TMEM94: variants seen among roughly 807,000 people sequenced by gnomAD.
TMEM94 encodes the protein ER Mg2+ ATPase.
In TMEM94, 81 loss-of-function variants were observed where a neutral mutation model predicts 158.6. The ratio of observed to expected loss-of-function variants is 0.51; its 90% CI spans 0.43 to 0.61. The LOEUF (loss-of-function observed/expected upper bound fraction) is 0.61, where lower values mean the gene tolerates loss of function less well. TMEM94 is among the 20% of genes least tolerant of loss of function. The probability of loss-of-function intolerance (pLI) is 0.00; values close to 1 mark genes in which losing one functional copy is unlikely to be tolerated. For synonymous variants in TMEM94, 751 were observed against 730.7 expected (o/e 1.03, Z -0.45); for missense variants, 1,435 against 1,762.0 (o/e 0.81, Z 3.32).
chr17:75,497,150 G>A lies in TMEM94; in HGVS notation c.3359G>A (p.Ser1120Asn). 5.0e-6 allele frequency: 8 copies of A among 1,614,028 alleles called. No individual in the cohort carries two copies. The highest frequency in any genetic ancestry group is 1.1e-5 in the South Asian group (1 of 91,070). Reference protein sequence around the residue: ...SCLVQLPPLLSTTDILWLSCF... With the variant: ...SCLVQLPPLLNTTDILWLSCF... ...CTGGTCCAGCTGCCGCCACTCCTGAGTACCACCGACATCCTGTGGCTGTCC... is the reference window on the plus strand; with the variant it reads ...CTGGTCCAGCTGCCGCCACTCCTGAATACCACCGACATCCTGTGGCTGTCC... Residue 1120 changes from serine to asparagine, a missense_variant, in exon 26 of 32, where the codon AGT becomes AAT. Transcript: ENST00000314256.
chr17:75,494,380 A>G (rs2052490414), intron 18 of TMEM94, among the ~76,000 whole-genome samples: 1 of 152,144 alleles, frequency 6.6e-6, no homozygotes, highest in Non-Finnish European at 1.5e-5. Context: ...GGGTAGGGCC[A>G]GTACCCCCTG....
chr17:75,462,569 T>C (rs2050114686), intron 1 of TMEM94, among the ~76,000 whole-genome samples: 1 of 151,312 alleles, frequency 6.6e-6, no homozygotes, highest in African/African-American at 2.4e-5. Context: ...AGGCTGGGCA[T>C]GGTGGCTGAC....
Position 75,495,635 on chromosome 17 carries a change from C to T in TMEM94, c.2936C>T (p.Thr979Ile). 3 of 1,613,352 alleles carry T rather than the reference C, an allele frequency of 1.9e-6. No homozygotes were observed. Among genetic ancestry groups the T allele is most frequent in the South Asian group, 1.1e-5 (1 of 91,080 alleles). ...PLLVPLFTDC[T>I]PETMCEMIKI... The stretch of plus-strand genomic sequence containing the variant: ...CTAGTGCCCCTTTTCACCGACTGCA[C>T]CCCAGAGAGTGAGTGCTGTGGCCAT... The change falls in exon 22 of 32, where the codon ACC becomes ATC. Residue 979 changes from threonine to isoleucine, a missense_variant. Transcript: ENST00000314256. The surrounding 1 kb of genome is among the most constrained non-coding windows in gnomAD (Gnocchi z 5.6).
chr17:75,478,710 G>C (rs2050915305), intron 2 of TMEM94, among the ~76,000 whole-genome samples: 1 of 152,222 alleles, frequency 6.6e-6, no homozygotes. Context: ...TTAGAGCCGT[G>C]TTATTTTCTC....
Position 75,486,003 on chromosome 17 carries a change from G to A in TMEM94, c.272+5G>A. ...CGGGGGACAGCCAGCCGGGAGGTGT[G>A]CGCCCAGGGGCTGCTCCCCAACCTC... On this transcript the variant is annotated splice_donor_5th_base_variant and intron_variant, in intron 4 of 31. Transcript: ENST00000314256. The A allele has an allele frequency of 6.4e-7, 1 of 1,571,756 alleles. No individual in the cohort carries two copies. The highest frequency in any genetic ancestry group is 8.6e-7 in the Non-Finnish European group (1 of 1,163,080).
rs191763279 is a variant in TMEM94, at chr17:75,499,796, G to C, written c.*462G>C. On this transcript the variant is annotated 3_prime_UTR_variant, in exon 32 of 32. Coordinates refer to ENST00000314256, the MANE Select transcript of TMEM94 (RefSeq NM_014738.6). The stretch of plus-strand genomic sequence containing the variant: ...CTCCCAAGGCTGCCGTGGAGGGCAG[G>C]GGGGTGGTGCTTGCCTGGATGTGGC... 5.1e-4 allele frequency: 83 copies of C among 163,978 alleles called. No individual in the cohort carries two copies. The highest frequency in any genetic ancestry group is 3.4e-3 in the Admixed American group (60 of 17,560). The allele number at this position is 163,978 out of a possible 1,614,324, so 10.2% of individuals were successfully genotyped here.
chr17:75,472,644 G>A (rs578246243), intron 2 of TMEM94, among the ~76,000 whole-genome samples: 2 of 152,314 alleles, frequency 1.3e-5, no homozygotes, highest in East Asian at 3.9e-4. Context: ...AGCAGAGATT[G>A]CACTACTGCA....
rs1216612846 is a variant in TMEM94, at chr17:75,492,732, A to G, written c.1855A>G (p.Ser619Gly). The G allele has an allele frequency of 1.9e-5, 30 of 1,610,678 alleles. No homozygotes were observed. The highest frequency in any genetic ancestry group is 2.4e-5 in the Non-Finnish European group (28 of 1,180,000). The change falls in exon 15 of 32, where the codon AGC (serine) becomes GGC (glycine). Residue 619 changes from serine (S) to glycine (G), a missense_variant. Ser to Gly is a moderately conservative substitution (Grantham distance 56). Around this residue, in one of 3 missense-constraint regions of TMEM94, gnomAD observed 1,051 missense variants for 1,254.4 expected, o/e 0.84. Coordinates refer to ENST00000314256, the MANE Select transcript of TMEM94 (RefSeq NM_014738.6). This position sits in a 1 kb window ranked among gnomAD's most constrained non-coding sequence, Gnocchi z 4.4. ...LCNIALQESH[S>G]AVLPVHVPWG... ...CAACATCGCCCTGCAAGAGAGCCAC[A>G]GCGCCGTGCTGCCCGTCCATGTGCC...
chr17:75,498,405 C>A lies in TMEM94; in HGVS notation c.3639-39C>A, dbSNP rs373468252. The A allele has an allele frequency of 6.2e-7, 1 of 1,607,640 alleles. No individual in the cohort carries two copies. The highest frequency in any genetic ancestry group is 8.5e-7 in the Non-Finnish European group (1 of 1,176,414). ...CTCCCCACCCCAGCCTACCTCCCTG[C>A]GGCCCTAGAGGGGCTGAGCCCATGC... is the stretch of plus-strand genomic sequence containing the variant. On this transcript the variant is annotated intron_variant, in intron 28 of 31. Coordinates refer to ENST00000314256, the MANE Select transcript of TMEM94 (RefSeq NM_014738.6). The surrounding 1 kb of genome is among the most constrained non-coding windows in gnomAD (Gnocchi z 6.7).
intron 1 of TMEM94, among the ~76,000 whole-genome samples, chr17:75,466,631 A>G (rs1011685597): frequency 6.6e-6 from 1 of 152,118 alleles, no homozygotes; most frequent in African/African-American, 2.4e-5. Context: ...AGCCTGGCCA[A>G]CATGGTGAAA....
chr17:75,497,982 C>G, intron 27 of TMEM94, 120 bp downstream of exon 27: 1 of 1,173,612 alleles, frequency 8.5e-7, no homozygotes, highest in Admixed American at 2.0e-5. Context: ...AACTCCGGCA[C>G]TTGGTTCCTA....
intron 10 of TMEM94, 81 bp downstream of exon 10, chr17:75,490,431 T>C: frequency 6.7e-7 from 1 of 1,491,060 alleles, no homozygotes; most frequent in Non-Finnish European, 9.1e-7. Context: ...GGGGCAGAAG[T>C]CCAGCCCCAC....
chr17:75,493,855 C>T lies in TMEM94; in HGVS notation c.2346C>T (p.Cys782=), dbSNP rs779931955. ...VPGQSSIFTM[C]ELPSTIPIKQ... is the part of the protein sequence containing the mutation. The stretch of plus-strand genomic sequence containing the variant: ...GCCAAAGCAGCATCTTCACCATGTG[C>T]GAGCTGCCCAGCACCATCCCCATCA... The change falls in exon 18 of 32, where the codon TGC becomes TGT. Residue 782 remains cysteine (C), a synonymous_variant. Coordinates refer to ENST00000314256, the MANE Select transcript of TMEM94 (RefSeq NM_014738.6). 3.7e-6 allele frequency: 6 copies of T among 1,613,066 alleles called. No individual in the cohort carries two copies. The highest frequency in any genetic ancestry group is 2.2e-5 in the East Asian group (1 of 44,890).
Position 75,491,227 on chromosome 17 carries a change from C to T in TMEM94, c.1233+74C>T. On this transcript the variant is annotated intron_variant, in intron 12 of 31. Transcript: ENST00000314256. The surrounding 1 kb of genome is among the most constrained non-coding windows in gnomAD (Gnocchi z 5.1). Reference sequence around the variant, plus strand: ...TCTCTGGCTGGGCCTGGGCTGCCCACCTGCCGCTTGAGTGGCCCCTGGGCA... The same window carrying T: ...TCTCTGGCTGGGCCTGGGCTGCCCATCTGCCGCTTGAGTGGCCCCTGGGCA... 2.5e-6 allele frequency: 4 copies of T among 1,596,216 alleles called. No homozygotes were observed. The South Asian group carries it at 4.5e-5, about 18-fold the overall frequency.
chr17:75,490,094 A>G, intron 9 of TMEM94, 140 bp from the exon 10 acceptor site: 1 of 1,245,504 alleles, frequency 8.0e-7, no homozygotes, highest in South Asian at 1.5e-5. Flanking sequence ...AAAAAAAAAG[A>G]ACACCTCTTT....
intron 1 of TMEM94, among the ~76,000 whole-genome samples, chr17:75,467,578 TGC>T (rs2050351910): frequency 7.0e-6 from 1 of 142,628 alleles, no homozygotes; most frequent in Non-Finnish European, 1.5e-5. Flanking sequence ...CAGGCCGGAC[TGC>T]GGACTGCAGT....
rs200233783 is a variant in TMEM94 at position 75,488,730 on chromosome 17, G to A, written c.613-29G>A. ...GAGTGGCCTCTGATAGGACCCTCTC[G>A]TTCCCACTCTCCCACTTGCTGCCGG... On this transcript the variant is annotated intron_variant, in intron 6 of 31. Coordinates refer to ENST00000314256, the MANE Select transcript of TMEM94 (RefSeq NM_014738.6). 4.9e-5 allele frequency: 79 copies of A among 1,611,912 alleles called. No individual in the cohort carries two copies. In the African/African-American group the frequency reaches 6.1e-4, roughly 13 times the overall value.
Position 75,490,709 on chromosome 17 carries a change from A to T in TMEM94, c.1079A>T (p.Lys360Met). The stretch of plus-strand genomic sequence containing the variant: ...CACCCTCTCTCCGTGCAGCTGGCTA[A>T]GTTCTCAGAGGATACTCTCAGCAGC... The part of the protein sequence containing the change: ...SKASPSSLLA[K>M]FSEDTLSSYT... The change falls in exon 11 of 32, where the codon AAG (lysine) becomes ATG (methionine). Residue 360 changes from lysine (K) to methionine (M), a missense_variant. By Grantham distance (95) the Lys-to-Met change is moderately conservative (BLOSUM62 -1). Coordinates refer to ENST00000314256, the MANE Select transcript of TMEM94 (RefSeq NM_014738.6). The T allele has an allele frequency of 1.2e-6, 2 of 1,614,094 alleles. No homozygotes were observed. Among genetic ancestry groups the T allele is most frequent in the Non-Finnish European group, 1.7e-6 (2 of 1,179,956 alleles).
At chr17:75,490,583 G>C in intron 10 of TMEM94, 119 bp from the exon 11 acceptor site, 1 of 983,750 alleles carries the variant, frequency 1.0e-6, no homozygotes, top group Non-Finnish European at 1.5e-6. Context: ...GAACGGCCTG[G>C]GCCCTTTACC....
Sources: gnomAD v4.1 joint callset for allele counts (sites outside exome capture counted in the v4.1 genomes callset) on GRCh38, gnomAD v4.1.1 for gene constraint, gnomAD v4.1.1 regional missense constraint, Gnocchi (gnomAD v3.1) non-coding constraint, MANE v1.5 for transcripts, NCBI Gene and HGNC (gene_info 2026-07-23, HGNC 2026-07-21) for gene names.